The following DNER variants were observed in gnomAD, a reference collection of about 807,000 sequenced individuals.
DNER encodes the protein delta/notch like EGF repeat containing.
In DNER, 33 loss-of-function variants were observed where a neutral mutation model predicts 78.2. The ratio of observed to expected loss-of-function variants is 0.42; its 90% confidence interval spans 0.32 to 0.56. The LOEUF is 0.56. Among genes scored for constraint, DNER ranks in the 20% least tolerant of loss-of-function variants. The pLI is 0.11. For missense variants in DNER, 918 were observed against 975.3 expected, an observed-to-expected ratio of 0.94 and a Z score of 0.78; for synonymous variants, 417 against 384.8, an observed-to-expected ratio of 1.08 and a Z score of -0.98.
At chr2:229,589,662 A>T (rs996015638) in intron 2 of DNER, among the ~76,000 whole-genome samples, 32 of 152,186 alleles carry the variant, frequency 2.1e-4, no homozygotes, top group Admixed American at 3.3e-4. Context: ...AAATAACATG[A>T]CTTTAAATAA....
intron 9 of DNER, among the ~76,000 whole-genome samples, chr2:229,408,793 G>C (rs946758313): frequency 6.6e-6 from 1 of 152,096 alleles, no homozygotes; most frequent in Non-Finnish European, 1.5e-5. Context: ...ATTTGAGCCA[G>C]GTAAAGCTCA....
chr2:229,602,425 G>A (rs1413508793), intron 1 of DNER, among the ~76,000 whole-genome samples: 1 of 152,148 alleles, frequency 6.6e-6, no homozygotes, highest in Non-Finnish European at 1.5e-5. Context: ...AAACTGGGAA[G>A]AAAGCAAGGA....
chr2:229,707,486 T>G (rs1699847959), intron 1 of DNER, among the ~76,000 whole-genome samples: 1 of 152,232 alleles, frequency 6.6e-6, no homozygotes, highest in Non-Finnish European at 1.5e-5. Context: ...TGTGCTTTCC[T>G]TCTCCTAAAC....
At chr2:229,362,072 C>A (rs1031273451) in intron 12 of DNER, among the ~76,000 whole-genome samples, 44 of 152,086 alleles carry the variant, frequency 2.9e-4, no homozygotes, top group African/African-American at 1.1e-3. Flanking sequence ...GACACACTCC[C>A]CCTCCTCCTG....
rs533629978 is a variant in DNER at position 229,600,985 on chromosome 2, C to A, written c.277-9097G>T. On this transcript the variant is annotated intron_variant, in intron 1 of 12. Coordinates refer to ENST00000341772, the MANE Select transcript of DNER (RefSeq NM_139072.4). The stretch of plus-strand genomic sequence containing the variant: ...GAGAAATTAGAATGAACAATTGCCA[C>A]CTGGAGGTACTGTGATATGGGAGAG... Among the ~76,000 whole-genome samples, 63 of 152,236 alleles carry A rather than the reference C, an allele frequency of 4.1e-4. 1 individual carries two copies. The South Asian group carries it at 0.013, about 31-fold the overall frequency.
intron 1 of DNER, among the ~76,000 whole-genome samples, chr2:229,618,698 T>C (rs565815905): frequency 6.6e-6 from 1 of 152,350 alleles, no homozygotes; most frequent in Admixed American, 6.5e-5. Flanking sequence ...CTAAAGTCAA[T>C]AAAATTAGTA....
At chr2:229,416,860 A>G (rs1693664410) in intron 9 of DNER, among the ~76,000 whole-genome samples, 1 of 152,200 alleles carries the variant, frequency 6.6e-6, no homozygotes, top group South Asian at 2.1e-4. Flanking sequence ...TTGAATGTCA[A>G]TGTGAGCTGC....
intron 6 of DNER, among the ~76,000 whole-genome samples, chr2:229,487,892 T>A (rs1284648545): frequency 6.6e-6 from 1 of 152,234 alleles, no homozygotes; most frequent in African/African-American, 2.4e-5. Context: ...CAGGCTAGCC[T>A]CACTGATGTG....
At chr2:229,510,640 T>G (rs952154122) in intron 6 of DNER, among the ~76,000 whole-genome samples, 1 of 152,070 alleles carries the variant, frequency 6.6e-6, no homozygotes, top group Non-Finnish European at 1.5e-5. Context: ...TAGAAATGGA[T>G]GGAACGCTGG....
chr2:229,449,065 A>C (rs1045262043), intron 7 of DNER, among the ~76,000 whole-genome samples: 4 of 152,194 alleles, frequency 2.6e-5, no homozygotes, highest in African/African-American at 9.6e-5. Context: ...CCTCCAAAAA[A>C]ATCCAATGCT....
chr2:229,499,869 A>G (rs1015499851), intron 6 of DNER, among the ~76,000 whole-genome samples: 1 of 152,202 alleles, frequency 6.6e-6, no homozygotes, highest in Admixed American at 6.5e-5. Flanking sequence ...AAACAACTCA[A>G]TAGCAAGAAA....
chr2:229,697,781 C>A (rs1479873634), intron 1 of DNER, among the ~76,000 whole-genome samples: 1 of 152,150 alleles, frequency 6.6e-6, no homozygotes, highest in East Asian at 1.9e-4. Flanking sequence ...ATCAGGAGAA[C>A]CCATGAAGGA....
intron 5 of DNER, among the ~76,000 whole-genome samples, chr2:229,538,835 G>A (rs776302800): frequency 5.3e-5 from 8 of 152,068 alleles, no homozygotes; most frequent in African/African-American, 1.7e-4. Context: ...CCCCGTGCCC[G>A]GCCCAAGAAA....
Position 229,714,337 on chromosome 2 carries a change from T to G in DNER, c.87A>C (p.Arg29=). The G allele has an allele frequency of 7.9e-7, 1 of 1,262,924 alleles. No homozygotes were observed. The highest frequency in any genetic ancestry group is 1.6e-5 in the African/African-American group (1 of 63,912). The allele number at this position is 1,262,924 out of a possible 1,614,324, so 78.2% of individuals were successfully genotyped here. ...LLLLLLGAGP[R]GSSLANPVPA... ...GCACCGGGTTGGCCAGGGAGCTGCC[T>G]CGGGGCCCCGCTCCGAGCAGCAGCA... Residue 29 remains arginine (R), a synonymous_variant, in exon 1 of 13, where the codon CGA becomes CGC. Coordinates refer to ENST00000341772, the MANE Select transcript of DNER (RefSeq NM_139072.4).
intron 11 of DNER, 54 bp from the exon 12 acceptor site, chr2:229,367,173 A>T (rs2302769): frequency 0.54 from 868,147 of 1,602,212 alleles, 239,102 homozygotes; most frequent in African/African-American, 0.75. Flanking sequence ...TTTGAGAATG[A>T]GAAGGCCTTT....
At chr2:229,576,854 G>A (rs1697312663) in intron 4 of DNER, among the ~76,000 whole-genome samples, 1 of 152,170 alleles carries the variant, frequency 6.6e-6, no homozygotes, top group Non-Finnish European at 1.5e-5. Context: ...GAACAGCTAG[G>A]AAGGCTGCCC....
At chr2:229,363,512 G>A (rs888841151) in intron 12 of DNER, among the ~76,000 whole-genome samples, 4 of 152,226 alleles carry the variant, frequency 2.6e-5, no homozygotes, top group Admixed American at 2.0e-4. Flanking sequence ...ACCCCAGGTT[G>A]GAGCTGAATA....
At chr2:229,623,034 T>C (rs1698277039) in intron 1 of DNER, among the ~76,000 whole-genome samples, 1 of 152,172 alleles carries the variant, frequency 6.6e-6, no homozygotes, top group Non-Finnish European at 1.5e-5. Context: ...TGCCACCTGC[T>C]CATCCTTACT....
At chr2:229,687,345 C>A (rs1338116549) in intron 1 of DNER, among the ~76,000 whole-genome samples, 1 of 149,508 alleles carries the variant, frequency 6.7e-6, no homozygotes, top group Admixed American at 6.7e-5. Flanking sequence ...TTCACTGCAA[C>A]CTCCACCTCC....
Sources: allele counts gnomAD v4.1 joint callset (sites outside exome capture counted in the v4.1 genomes callset), GRCh38; gene constraint gnomAD v4.1.1; transcripts MANE v1.5; gene names NCBI Gene and HGNC (gene_info 2026-07-23, HGNC 2026-07-21).